The following GFM1 variants were observed in gnomAD, a reference collection of about 807,000 sequenced individuals.
GFM1 encodes elongation factor G, mitochondrial.
Under a neutral mutation model 96.2 loss-of-function variants are expected in GFM1, and 62 were observed. The observed-to-expected ratio is 0.64, with a 90% CI of 0.53 to 0.80. The LOEUF (loss-of-function observed/expected upper bound fraction) is 0.80. Among genes scored for constraint, GFM1 ranks in the 30% least tolerant of loss-of-function variants. The pLI, the probability that GFM1 is intolerant of heterozygous loss-of-function variation, is 0.00. For synonymous variants in GFM1, 282 were observed against 312.9 expected, an observed-to-expected ratio of 0.90 and a Z score of 1.04; for missense variants, 852 against 916.6, an observed-to-expected ratio of 0.93 and a Z score of 0.91.
chr3:158,670,620 T>G (rs1224933584), intron 13 of GFM1, among the ~76,000 whole-genome samples: 1 of 152,198 alleles, frequency 6.6e-6, no homozygotes, highest in East Asian at 1.9e-4. Context: ...CACAACAACT[T>G]TTTAAAAAGA....
chr3:158,653,146 T>C (rs1722430602), intron 6 of GFM1, among the ~76,000 whole-genome samples, 164 bp from the exon 7 acceptor site: 1 of 152,196 alleles, frequency 6.6e-6, no homozygotes, highest in Middle Eastern at 3.2e-3. Flanking sequence ...TTTTTTTCTT[T>C]GTATTTTGAC....
rs1721711873 is a variant in GFM1 at position 158,645,623 on chromosome 3, T to C, written c.82-6T>C. The C allele has an allele frequency of 6.2e-7, 1 of 1,611,006 alleles. No homozygotes were observed. The highest frequency in any genetic ancestry group is 1.3e-5 in the African/African-American group (1 of 74,970). On this transcript the variant is annotated splice_polypyrimidine_tract_variant and splice_region_variant and intron_variant, in intron 1 of 17. Transcript: ENST00000486715. ...GCATAGAATTGAGCTCTCGTATTTT[T>C]TTCAGGTTAATTGGAAGGCCTGCCG...
At position 158,652,153 on chromosome 3, in the gene GFM1, C is replaced by A. The variant is rs754969878; in HGVS notation, c.747C>A (p.His249Gln). Residue 249 changes from histidine to glutamine, a missense_variant, in exon 6 of 18, where the codon CAC becomes CAA. Coordinates refer to ENST00000486715, the MANE Select transcript of GFM1 (RefSeq NM_024996.7). ...PAELRAAATD[H>Q]RQELIECVAN... is the part of the protein sequence containing the mutation. ...AATTAAGGGCGGCGGCCACTGACCA[C>A]CGGCAGGAGCTAATTGAATGTGTTG... 1 of 1,613,800 alleles carries A rather than the reference C, an allele frequency of 6.2e-7. No individual in the cohort carries two copies. Among genetic ancestry groups the A allele is most frequent in the Admixed American group, 1.7e-5 (1 of 60,020 alleles).
chr3:158,678,422 G>A (rs1379188094), intron 13 of GFM1, among the ~76,000 whole-genome samples: 1 of 152,166 alleles, frequency 6.6e-6, no homozygotes, highest in South Asian at 2.1e-4. Context: ...TGATTCCTGG[G>A]AGGAGGTCAA....
chr3:158,667,032 G>A, intron 13 of GFM1: 2 of 1,595,832 alleles, frequency 1.3e-6, no homozygotes, highest in South Asian at 2.3e-5. Flanking sequence ...ATATTATGAA[G>A]TAGAATGGTG....
chr3:158,672,770 T>G, intron 13 of GFM1: 1 of 324,288 alleles, frequency 3.1e-6, no homozygotes, highest in East Asian at 6.8e-5. Flanking sequence ...GAGGCCAGCA[T>G]GCTTGTCAGG....
chr3:158,659,770 A>C (rs1030950578), intron 9 of GFM1, among the ~76,000 whole-genome samples: 2 of 152,190 alleles, frequency 1.3e-5, no homozygotes, highest in African/African-American at 2.4e-5. Context: ...CAGTTGAAGC[A>C]AAATCTTAAC....
At chr3:158,690,736 T>C (rs1726240528) in intron 16 of GFM1, 4 of 333,624 alleles carry the variant, frequency 1.2e-5, no homozygotes, top group Non-Finnish European at 2.2e-5. Flanking sequence ...AGAAGGTGTT[T>C]ATTACATTTC....
At chr3:158,669,500 T>C in intron 13 of GFM1, 1 of 1,614,024 alleles carries the variant, frequency 6.2e-7, no homozygotes, top group Non-Finnish European at 8.5e-7. Flanking sequence ...TGTTGTCTTC[T>C]TCATCTGGAT....
chr3:158,666,385 C>A lies in GFM1; in HGVS notation c.1600C>A (p.Pro534Thr). The change falls in exon 13 of 18, where the codon CCG (proline) becomes ACG (threonine). Residue 534 changes from proline to threonine, a missense_variant and splice_region_variant. By Grantham distance (38) the Pro-to-Thr change is conservative. Coordinates refer to ENST00000486715, the MANE Select transcript of GFM1 (RefSeq NM_024996.7). ...AFRETITAPV[P>T]FDFTHKKQSG... ...TCGAGAGACCATTACTGCCCCTGTC[C>A]CGTAAGTATGCAACGTAATTAAACA... The A allele has an allele frequency of 1.2e-6, 2 of 1,611,874 alleles. No individual in the cohort carries two copies. Among genetic ancestry groups the A allele is most frequent in the Non-Finnish European group, 1.7e-6 (2 of 1,178,050 alleles).
chr3:158,655,755 C>T (rs1560131719), intron 8 of GFM1: 1 of 439,588 alleles, frequency 2.3e-6, no homozygotes. Flanking sequence ...TGGGCCAATA[C>T]TGATATATTA....
chr3:158,685,902 T>C (rs1229213730), intron 15 of GFM1, among the ~76,000 whole-genome samples: 1 of 152,156 alleles, frequency 6.6e-6, no homozygotes, highest in Non-Finnish European at 1.5e-5. Context: ...TTATATACTT[T>C]TTAGAAGTAC....
At position 158,691,719 on chromosome 3, in the gene GFM1, A is replaced by G. The variant is rs1381780062; in HGVS notation, c.*252A>G. On this transcript the variant is annotated 3_prime_UTR_variant, in exon 18 of 18. Coordinates refer to ENST00000486715, the MANE Select transcript of GFM1 (RefSeq NM_024996.7). ...ATTGAAAATCCTCAAATAAAATATA[A>G]TTATTACTGAAATATGTTTAATATT... 1 of 346,154 alleles carries G rather than the reference A, an allele frequency of 2.9e-6. No individual in the cohort carries two copies. Among genetic ancestry groups the G allele is most frequent in the Non-Finnish European group, 5.4e-6 (1 of 185,764 alleles). 21.4% of individuals were successfully genotyped at this position (346,154 alleles called of 1,614,324 possible).
rs972771647 is a variant in GFM1, at chr3:158,650,089, A to C, written c.689+932A>C. The stretch of plus-strand genomic sequence containing the variant: ...GGGCGAATGGCATTGTGATCAGTGA[A>C]CTATAGAATTTATCTTCATCAGCCA... On this transcript the variant is annotated intron_variant, in intron 5 of 17. Coordinates refer to ENST00000486715, the MANE Select transcript of GFM1 (RefSeq NM_024996.7). The C allele has an allele frequency of 3.3e-6, 5 of 1,514,062 alleles. No homozygotes were observed. The African/African-American group carries it at 6.9e-5, about 21-fold the overall frequency. The allele number at this position is 1,514,062 out of a possible 1,614,324, so 93.8% of individuals were successfully genotyped here.
intron 16 of GFM1, 29 bp from the exon 17 acceptor site, chr3:158,691,110 G>A: frequency 6.6e-7 from 1 of 1,513,802 alleles, no homozygotes; most frequent in Admixed American, 1.7e-5. Context: ...AATAAGCAGT[G>A]CTAAAATATC....
rs377068967 is a variant in GFM1 at position 158,654,626 on chromosome 3, C to A, written c.1078C>A (p.Leu360Met). The A allele has an allele frequency of 2.5e-6, 4 of 1,605,052 alleles. No homozygotes were observed. The East Asian group carries it at 8.9e-5, about 36-fold the overall frequency. ...CCCATTTGTAGGCCTGGCTTTTAAA[C>A]TGGAGGTAAGTTGCTTTCTAATGTA... is the stretch of plus-strand genomic sequence containing the variant. ...SHPFVGLAFK[L>M]EVGRFGQLTY... is the part of the protein sequence containing the mutation. Residue 360 changes from leucine (L) to methionine (M), a missense_variant, in exon 8 of 18, where the codon CTG (leucine) becomes ATG (methionine). By Grantham distance (15) the Leu-to-Met change is conservative. Transcript: ENST00000486715.
intron 15 of GFM1, 34 bp from the exon 16 acceptor site, chr3:158,690,129 A>G (rs368426597): frequency 5.1e-6 from 8 of 1,574,138 alleles, no homozygotes; most frequent in Non-Finnish European, 7.0e-6. Flanking sequence ...AGTTTGTATG[A>G]AGACTAATGA....
intron 13 of GFM1, among the ~76,000 whole-genome samples, chr3:158,671,181 A>G (rs1724262270): frequency 6.6e-6 from 1 of 152,204 alleles, no homozygotes; most frequent in South Asian, 2.1e-4. Flanking sequence ...GTAACATCTA[A>G]TTTAGCAAGT....
Position 158,681,331 on chromosome 3 carries a change from G to A in GFM1, c.1602-664G>A, listed in dbSNP as rs541284326. Among the ~76,000 whole-genome samples the A allele has an allele frequency of 8.5e-5, 13 of 152,286 alleles. No individual in the cohort carries two copies. In the East Asian group the frequency reaches 2.5e-3, roughly 29 times the overall value. On this transcript the variant is annotated intron_variant, in intron 13 of 17. Transcript: ENST00000486715. ...TGATTTTCCAGTGAAACAGTAGCCTGTGTTTACATATCTTTAGTATATATG... is the reference window on the plus strand; with the variant it reads ...TGATTTTCCAGTGAAACAGTAGCCTATGTTTACATATCTTTAGTATATATG...
Sources: gnomAD v4.1 joint callset for allele counts (sites outside exome capture counted in the v4.1 genomes callset) on GRCh38, gnomAD v4.1.1 for gene constraint, MANE v1.5 for transcripts, NCBI Gene and HGNC (gene_info 2026-07-23, HGNC 2026-07-21) for gene names.